Variants in SCARB1 observed in about 807,000 individuals in gnomAD.
SCARB1 encodes the protein scavenger receptor class B member 1.
In SCARB1, 30 loss-of-function variants were observed where a neutral mutation model predicts 57.2. The observed-to-expected ratio is 0.52, with a 90% confidence interval of 0.39 to 0.71. The LOEUF (loss-of-function observed/expected upper bound fraction) is 0.71. Ranked by LOEUF, SCARB1 falls within the 30% of genes least tolerant of loss-of-function variation. The pLI, the probability that SCARB1 is intolerant of heterozygous loss-of-function variation, is 0.00. For missense variants in SCARB1, 543 were observed against 671.2 expected (o/e 0.81, Z 2.11); for synonymous variants, 249 against 268.3 (o/e 0.93, Z 0.70).
In SCARB1 at chr12:124,863,715, G is replaced by C; in HGVS notation, c.6C>G (p.Gly2=). 1 of 1,502,386 alleles carries C rather than the reference G, an allele frequency of 6.7e-7. No homozygotes were observed. The highest frequency in any genetic ancestry group is 1.3e-5 in the South Asian group (1 of 79,248). The allele number at this position is 1,502,386 out of a possible 1,614,324, so 93.1% of individuals were successfully genotyped here. A position where few individuals can be genotyped will look rare whatever the true frequency, so the allele number is the denominator to read the frequency against. Residue 2 remains glycine, a synonymous_variant, in exon 1 of 13, where the codon GGC becomes GGG. Coordinates refer to ENST00000261693, the MANE Select transcript of SCARB1 (RefSeq NM_005505.5). Reference sequence around the variant, plus strand: ...CAGCCCAGCGCGCTTTGGCGGAGCAGCCCATGTCTGCGCGCCTGGGGCCCA... The same window carrying C: ...CAGCCCAGCGCGCTTTGGCGGAGCACCCCATGTCTGCGCGCCTGGGGCCCA... M[G]CSAKARWAAG...
At chr12:124,833,193 CTTTTTT>C (rs34730382) in intron 1 of SCARB1, among the ~76,000 whole-genome samples, 1 of 141,352 alleles carries the variant, frequency 7.1e-6, no homozygotes, top group Admixed American at 7.0e-5. Flanking sequence ...AGATCCTTAA[CTTTTTT>C]TTTTTTTTTG....
Position 124,784,341 on chromosome 12 carries a change from G to C in SCARB1, c.1402-1530C>G, listed in dbSNP as rs144128548. The C allele has an allele frequency of 7.2e-5, 11 of 152,390 alleles. No homozygotes were observed. In the East Asian group the frequency reaches 1.9e-3, roughly 27 times the overall value. 9.4% of individuals were successfully genotyped at this position (152,390 alleles called of 1,614,324 possible). On this transcript the variant is annotated intron_variant, in intron 11 of 12. Transcript: ENST00000261693. ...CCCTGGGGCAGTAACAGAGAAGGGG[G>C]CTCCCAAAAGGGCTGGTTGGACCCA...
intron 1 of SCARB1, among the ~76,000 whole-genome samples, chr12:124,830,412 A>G (rs1248450651): frequency 6.6e-6 from 1 of 152,254 alleles, no homozygotes; most frequent in Admixed American, 6.5e-5. Context: ...TACCCATAAC[A>G]GCCCAAAACT....
rs2135676824 is a variant in SCARB1 at position 124,814,674 on chromosome 12, G to C, written c.427-269C>G. ...AACTCCAGCCCCAGTCCCAGAGGCG[G>C]GCCTGTGGCTCAGCCCTCAACAAGA... is the stretch of plus-strand genomic sequence containing the variant. On this transcript the variant is annotated intron_variant, in intron 3 of 12. Transcript: ENST00000261693. The surrounding 1 kb of genome is among the most constrained non-coding windows in gnomAD (Gnocchi z 4.7). Among the ~76,000 whole-genome samples the C allele has an allele frequency of 6.6e-6, 1 of 152,298 alleles. No homozygotes were observed. The highest frequency in any genetic ancestry group is 2.1e-4 in the South Asian group (1 of 4,820).
chr12:124,783,104 A>G, intron 11 of SCARB1: 1 of 405,456 alleles, frequency 2.5e-6, no homozygotes, highest in East Asian at 5.0e-5. Context: ...TGGGCCATGG[A>G]GACCGACAAC....
At chr12:124,804,542 G>C (rs1444089068) in intron 7 of SCARB1, among the ~76,000 whole-genome samples, 1 of 152,164 alleles carries the variant, frequency 6.6e-6, no homozygotes, top group African/African-American at 2.4e-5. Context: ...CACACCTATT[G>C]GGTGTGTAAC....
intron 2 of SCARB1, among the ~76,000 whole-genome samples, chr12:124,815,850 A>G (rs1040069297): frequency 2.0e-4 from 30 of 152,094 alleles, no homozygotes. Context: ...TGGGTGAAAG[A>G]GAGACTCCGT....
chr12:124,855,063 C>G (rs576847950), intron 1 of SCARB1, among the ~76,000 whole-genome samples: 1 of 152,274 alleles, frequency 6.6e-6, no homozygotes, highest in African/African-American at 2.4e-5. Flanking sequence ...GAGGCATCAG[C>G]AGGCAAGAAG....
intron 11 of SCARB1, chr12:124,784,235 C>T (rs1012076188): frequency 2.0e-5 from 3 of 152,278 alleles, no homozygotes; most frequent in African/African-American, 7.2e-5. Flanking sequence ...TCCTTCTGTC[C>T]TCCCTACATA....
At chr12:124,840,635 C>A (rs1302598705) in intron 1 of SCARB1, among the ~76,000 whole-genome samples, 4 of 152,186 alleles carry the variant, frequency 2.6e-5, no homozygotes, top group Non-Finnish European at 5.9e-5. Context: ...CGGAAAATGG[C>A]TCCACCATCT....
At chr12:124,853,183 C>T (rs1011730651) in intron 1 of SCARB1, among the ~76,000 whole-genome samples, 1 of 152,030 alleles carries the variant, frequency 6.6e-6, no homozygotes, top group Non-Finnish European at 1.5e-5. Context: ...AAAAGACGGT[C>T]CAGGCAGAAA....
rs113716225 is a variant in SCARB1, at chr12:124,791,424, C to T, written c.1202+3771G>A. Among the ~76,000 whole-genome samples, 1,035 of 152,246 alleles carry T rather than the reference C, an allele frequency of 6.8e-3. 10 individuals are homozygous for T. The highest frequency in any genetic ancestry group is 0.03 in the South Asian group (143 of 4,828). On this transcript the variant is annotated intron_variant, in intron 9 of 12. Coordinates refer to ENST00000261693, the MANE Select transcript of SCARB1 (RefSeq NM_005505.5). ...CTTCTGTATAAGCGAGATATTATAACGTAACTCTTCCTAGGACTCTAGGGA... is the reference window on the plus strand; with the variant it reads ...CTTCTGTATAAGCGAGATATTATAATGTAACTCTTCCTAGGACTCTAGGGA...
At chr12:124,785,949 G>A (rs578115894) in intron 11 of SCARB1, 18 of 968,530 alleles carry the variant, frequency 1.9e-5, no homozygotes, top group South Asian at 3.6e-5. Flanking sequence ...CTGTCTCCCC[G>A]GCTGGGATGC....
chr12:124,845,342 T>C (rs762746152), intron 1 of SCARB1, among the ~76,000 whole-genome samples: 19 of 151,976 alleles, frequency 1.3e-4, no homozygotes, highest in Non-Finnish European at 2.8e-4. Context: ...CCCCAAAACA[T>C]GACGCTAAGC....
At chr12:124,857,866 G>A (rs1352082653) in intron 1 of SCARB1, among the ~76,000 whole-genome samples, 2 of 152,218 alleles carry the variant, frequency 1.3e-5, no homozygotes, top group South Asian at 2.1e-4. Context: ...GGACATGGAA[G>A]AAGGCCATGA....
Position 124,832,180 on chromosome 12 carries a change from G to C in SCARB1, c.127-14473C>G, listed in dbSNP as rs939613532. 1.5e-4 allele frequency among the ~76,000 whole-genome samples: 23 copies of C among 152,214 alleles called. 1 individual carries two copies. In the South Asian group the frequency reaches 4.8e-3, roughly 32 times the overall value. ...TAATAGCAGGGGACACTGGCTGTGG[G>C]ATATGTGGGAACTCAGCACTATCTT... On this transcript the variant is annotated intron_variant, in intron 1 of 12. Transcript: ENST00000261693.
At position 124,817,368 on chromosome 12, in the gene SCARB1, A is replaced by C. The variant is rs993187548; in HGVS notation, c.284+182T>G. On this transcript the variant is annotated intron_variant, in intron 2 of 12. Transcript: ENST00000261693. The surrounding 1 kb of genome is among the most constrained non-coding windows in gnomAD (Gnocchi z 4.8). The stretch of plus-strand genomic sequence containing the variant: ...ATCCCATCTCTAAAAAAAAAAAAAA[A>C]AAAAAAAAAAACCCTAAAACAAAAA... Among the ~76,000 whole-genome samples, 4 of 151,046 alleles carry C rather than the reference A, an allele frequency of 2.6e-5. No individual in the cohort carries two copies. The highest frequency in any genetic ancestry group is 1.9e-4 in the East Asian group (1 of 5,148).
chr12:124,814,814 G>T lies in SCARB1; in HGVS notation c.426+159C>A. ...ACCTGGGAAACTCAGAACCCACTGG[G>T]GGTGGTGGAGACAGCACAGGGCCGA... is the stretch of plus-strand genomic sequence containing the variant. On this transcript the variant is annotated intron_variant, in intron 3 of 12. Transcript: ENST00000261693. This position sits in a 1 kb window ranked among gnomAD's most constrained non-coding sequence, Gnocchi z 4.7. 1.2e-6 allele frequency: 1 copy of T among 864,210 alleles called. No individual in the cohort carries two copies. Among genetic ancestry groups the T allele is most frequent in the Non-Finnish European group, 1.9e-6 (1 of 535,380 alleles). 53.5% of individuals were successfully genotyped at this position (864,210 alleles called of 1,614,324 possible).
intron 1 of SCARB1, among the ~76,000 whole-genome samples, chr12:124,857,796 A>G (rs181920553): frequency 6.8e-4 from 103 of 152,288 alleles, no homozygotes; most frequent in Non-Finnish European, 1.2e-3. Flanking sequence ...AAGGCAACCG[A>G]GGTTGAGTCC....
Sources: allele counts gnomAD v4.1 joint callset (sites outside exome capture counted in the v4.1 genomes callset), GRCh38; gene constraint gnomAD v4.1.1; non-coding constraint Gnocchi (gnomAD v3.1); transcripts MANE v1.5; gene names NCBI Gene and HGNC (gene_info 2026-07-23, HGNC 2026-07-21).